Variants in MNAT1 observed in about 807,000 individuals in gnomAD.
MNAT1 encodes the protein CDK-activating kinase assembly factor MAT1.
A neutral mutation model predicts 42.0 loss-of-function variants in MNAT1; 43 were observed. The observed-to-expected ratio is 1.02, with a 90% confidence interval of 0.80 to 1.32. MNAT1 has a LOEUF of 1.32. Ranked by LOEUF, MNAT1 falls within the 40% of genes most tolerant of loss-of-function variation. MNAT1 has a pLI of 0.00. For missense variants in MNAT1, 306 were observed against 350.4 expected (o/e 0.87, Z 1.01); for synonymous variants, 118 against 120.0 (o/e 0.98, Z 0.11).
intron 5 of MNAT1, among the ~76,000 whole-genome samples, chr14:60,816,288 G>C (rs541048160): frequency 2.6e-4 from 40 of 151,496 alleles, no homozygotes; most frequent in Non-Finnish European, 5.6e-4. Flanking sequence ...TTGGCTAAAA[G>C]GTCCATTTAT....
intron 3 of MNAT1, among the ~76,000 whole-genome samples, chr14:60,799,999 G>A (rs2032152046): frequency 6.6e-6 from 1 of 152,038 alleles, no homozygotes; most frequent in Non-Finnish European, 1.5e-5. Flanking sequence ...CCACTTAATT[G>A]TCTCATTGAA....
chr14:60,886,048 T>G (rs1256076394), intron 7 of MNAT1, among the ~76,000 whole-genome samples: 3 of 152,070 alleles, frequency 2.0e-5, no homozygotes, highest in African/African-American at 7.2e-5. Flanking sequence ...TTTCATGCCC[T>G]TATCAAAAAT....
At chr14:60,818,912 C>A (rs1469480313) in intron 6 of MNAT1, 65 bp downstream of exon 6, 19 of 1,545,940 alleles carry the variant, frequency 1.2e-5, no homozygotes, top group Non-Finnish European at 1.6e-5. Context: ...TATAATTTTA[C>A]ACGATTTCTA....
At chr14:60,789,787 A>G (rs112201640) in intron 1 of MNAT1, among the ~76,000 whole-genome samples, 2,111 of 152,274 alleles carry the variant, frequency 0.014, 45 homozygotes, top group African/African-American at 0.048. Flanking sequence ...AATAGTCCAC[A>G]TATTTCAGAA....
intron 1 of MNAT1, among the ~76,000 whole-genome samples, chr14:60,784,116 C>T (rs897605696): frequency 1.3e-4 from 20 of 151,130 alleles, no homozygotes; most frequent in African/African-American, 4.1e-4. Context: ...GGGTTCAAGC[C>T]GTTCTCCTGC....
At chr14:60,746,145 T>C (rs562985954) in intron 1 of MNAT1, among the ~76,000 whole-genome samples, 9 of 152,210 alleles carry the variant, frequency 5.9e-5, no homozygotes, top group African/African-American at 9.6e-5. Flanking sequence ...CATTTAACTT[T>C]GGTTTGTTCA....
At chr14:60,860,913 A>G (rs1239069027) in intron 6 of MNAT1, among the ~76,000 whole-genome samples, 1 of 152,220 alleles carries the variant, frequency 6.6e-6, no homozygotes, top group Non-Finnish European at 1.5e-5. Flanking sequence ...TAGTTAACTC[A>G]TTACTTCACC....
At chr14:60,826,737 C>G (rs1233587355) in intron 6 of MNAT1, among the ~76,000 whole-genome samples, 6 of 152,128 alleles carry the variant, frequency 3.9e-5, no homozygotes, top group African/African-American at 1.4e-4. Flanking sequence ...CTATTTGGTT[C>G]AAATCCTGTC....
chr14:60,737,630 A>G (rs960358488), intron 1 of MNAT1, among the ~76,000 whole-genome samples: 1 of 152,142 alleles, frequency 6.6e-6, no homozygotes, highest in Non-Finnish European at 1.5e-5. Context: ...TTAGGCCAGT[A>G]TATCATAAGA....
intron 1 of MNAT1, among the ~76,000 whole-genome samples, chr14:60,747,462 C>T (rs556624562): frequency 9.2e-5 from 14 of 152,092 alleles, no homozygotes; most frequent in African/African-American, 1.4e-4. Context: ...TGTTACTGTA[C>T]GGAATGCCAT....
At chr14:60,747,737 A>G (rs1296440666) in intron 1 of MNAT1, among the ~76,000 whole-genome samples, 10 of 152,324 alleles carry the variant, frequency 6.6e-5, no homozygotes, top group South Asian at 2.1e-4. Context: ...TCTTTCTTCA[A>G]TAATAAACCC....
chr14:60,759,551 A>G (rs1364880279), intron 1 of MNAT1, among the ~76,000 whole-genome samples: 1 of 152,246 alleles, frequency 6.6e-6, no homozygotes, highest in Non-Finnish European at 1.5e-5. Flanking sequence ...GGAGTTGATG[A>G]GTAGCCATCA....
intron 7 of MNAT1, among the ~76,000 whole-genome samples, chr14:60,905,214 A>G (rs1212346226): frequency 3.3e-5 from 5 of 151,998 alleles, no homozygotes; most frequent in African/African-American, 9.7e-5. Context: ...TTCTCCTGTA[A>G]TAAAACCAAC....
chr14:60,741,407 T>C (rs1015070263), intron 1 of MNAT1, among the ~76,000 whole-genome samples: 1 of 152,116 alleles, frequency 6.6e-6, no homozygotes. Context: ...TTGCCCAGGC[T>C]GGAGTGCAGT....
chr14:60,817,355 A>G (rs1051855324), intron 5 of MNAT1, among the ~76,000 whole-genome samples: 4 of 151,876 alleles, frequency 2.6e-5, no homozygotes, highest in Non-Finnish European at 5.9e-5. Flanking sequence ...TTCTCCTCGT[A>G]CTATATTTCA....
intron 7 of MNAT1, among the ~76,000 whole-genome samples, chr14:60,910,445 G>T (rs2035322997): frequency 6.6e-6 from 1 of 152,182 alleles, no homozygotes; most frequent in Non-Finnish European, 1.5e-5. Context: ...CATTCAGTAT[G>T]ATATTGGCTG....
chr14:60,759,528 T>C (rs775779579), intron 1 of MNAT1, among the ~76,000 whole-genome samples: 51 of 152,226 alleles, frequency 3.4e-4, no homozygotes, highest in Non-Finnish European at 6.8e-4. Context: ...TGGCTCCATA[T>C]TCTCAACAGC....
chr14:60,897,784 A>G (rs1250602073), intron 7 of MNAT1, among the ~76,000 whole-genome samples: 1 of 152,124 alleles, frequency 6.6e-6, no homozygotes, highest in African/African-American at 2.4e-5. Flanking sequence ...AGAAATATAT[A>G]ACATATTGTT....
At chr14:60,837,282 T>G (rs2033418898) in intron 6 of MNAT1, among the ~76,000 whole-genome samples, 1 of 152,182 alleles carries the variant, frequency 6.6e-6, no homozygotes, top group Non-Finnish European at 1.5e-5. Flanking sequence ...AAAAAGAAAC[T>G]GCAGCTAGCT....
Sources: allele counts gnomAD v4.1 joint callset (sites outside exome capture counted in the v4.1 genomes callset), GRCh38; gene constraint gnomAD v4.1.1; transcripts MANE v1.5; gene names NCBI Gene and HGNC (gene_info 2026-07-23, HGNC 2026-07-21).